SALL2: variants seen among roughly 807,000 people sequenced by gnomAD.
SALL2 encodes sal-like protein 2.
SALL2 carries 32 observed loss-of-function variants against 58.5 expected under a neutral mutation model. The observed-to-expected ratio is 0.55, with a 90% CI of 0.41 to 0.74. The LOEUF (loss-of-function observed/expected upper bound fraction) is 0.74, where lower values mean the gene tolerates loss of function less well. SALL2 is among the 30% of genes least tolerant of loss of function. SALL2 has a pLI of 0.00. For missense variants in SALL2, 1,201 were observed against 1,268.9 expected (o/e 0.95, Z 0.81); for synonymous variants, 516 against 513.6 (o/e 1.00, Z -0.06).
intron 1 of SALL2, among the ~76,000 whole-genome samples, chr14:21,534,485 C>T (rs1379170642): frequency 1.3e-5 from 2 of 151,968 alleles, no homozygotes; most frequent in South Asian, 2.1e-4. Flanking sequence ...ATTACCATGC[C>T]CCCAGGTGGA....
At position 21,524,547 on chromosome 14, in the gene SALL2, G is replaced by A; in HGVS notation, c.1175C>T (p.Ser392Phe). 1 of 1,614,214 alleles carries A rather than the reference G, an allele frequency of 6.2e-7. No individual in the cohort carries two copies. The highest frequency in any genetic ancestry group is 8.5e-7 in the Non-Finnish European group (1 of 1,180,026). Residue 392 changes from serine (S) to phenylalanine (F), a missense_variant, in exon 2 of 2, where the codon TCC becomes TTC. Ser to Phe is a radical substitution (Grantham distance 155). Around this residue, in one of 3 missense-constraint regions of SALL2, gnomAD observed 59 missense variants for 116.2 expected, o/e 0.51. Coordinates refer to ENST00000537235, the MANE Select transcript of SALL2 (RefSeq NM_001364564.1). The part of the protein sequence containing the change: ...SDSALQIHLR[S>F]HTGERPYKCN... ...CTTATAGGGCCTCTCACCCGTGTGG[G>A]AACGAAGGTGGATCTGCAGGGCACT...
chr14:21,526,012 C>T, intron 1 of SALL2, 49 bp downstream of exon 1: 2 of 1,024,174 alleles, frequency 2.0e-6, no homozygotes, highest in East Asian at 2.6e-5. Context: ...CGCCCCTGCG[C>T]ATCCCCCTCC....
chr14:21,535,248 G>C (rs571235758), intron 1 of SALL2, among the ~76,000 whole-genome samples: 1 of 151,930 alleles, frequency 6.6e-6, no homozygotes, highest in African/African-American at 2.4e-5. Flanking sequence ...GGGAGGCTGA[G>C]GCAGGAGAAT....
intron 1 of SALL2, among the ~76,000 whole-genome samples, chr14:21,533,717 G>A (rs1566519420): frequency 1.3e-5 from 2 of 151,916 alleles, no homozygotes; most frequent in Admixed American, 1.3e-4. Context: ...GAGCAAAAAC[G>A]GCTGGAAAAC....
chr14:21,521,845 A>G lies in SALL2; in HGVS notation c.*859T>C. ...GAGGTCTTGGCACACTGACCAGCCA[A>G]AACCTTTACCTTAATGTGACCATCA... On this transcript the variant is annotated 3_prime_UTR_variant, in exon 2 of 2. Transcript: ENST00000537235. The G allele has an allele frequency of 1.2e-6, 1 of 810,566 alleles. No individual in the cohort carries two copies. Among genetic ancestry groups the G allele is most frequent in the South Asian group, 2.0e-5 (1 of 50,944 alleles). The allele number at this position is 810,566 out of a possible 1,614,324, so 50.2% of individuals were successfully genotyped here.
chr14:21,523,482 G>A lies in SALL2; in HGVS notation c.2240C>T (p.Pro747Leu). 6.2e-7 allele frequency: 1 copy of A among 1,614,156 alleles called. No individual in the cohort carries two copies. The highest frequency in any genetic ancestry group is 8.5e-7 in the Non-Finnish European group (1 of 1,180,050). ...QSTVSGARSF[P>L]QQQSQQPSPE... ...TGATGGCTGCTGGGACTGCTGCTGG[G>A]GGAAACTCCGTGCCCCGGAGACTGT... Residue 747 changes from proline (P) to leucine (L), a missense_variant, in exon 2 of 2, where the codon CCC (proline) becomes CTC (leucine). This residue lies in a region of SALL2 where 675 missense variants were observed against 683.8 expected (regional missense o/e 0.99). Transcript: ENST00000537235. The surrounding 1 kb of genome is among the most constrained non-coding windows in gnomAD (Gnocchi z 4.4).
Position 21,523,116 on chromosome 14 carries a change from C to T in SALL2, c.2606G>A (p.Arg869Lys). ...GGKEEGGKPE[R>K]SSSPASALTP... ...GAGTGCTGATGCCGGACTTGAGCTT[C>T]TCTCCGGTTTGCCCCCCTCTTCCTT... Residue 869 changes from arginine (R) to lysine (K), a missense_variant, in exon 2 of 2, where the codon AGA becomes AAA. Physicochemically the swap from Arg to Lys is conservative, Grantham distance 26 (BLOSUM62 2). This residue lies in a region of SALL2 where 675 missense variants were observed against 683.8 expected (regional missense o/e 0.99). Coordinates refer to ENST00000537235, the MANE Select transcript of SALL2 (RefSeq NM_001364564.1). The surrounding 1 kb of genome is among the most constrained non-coding windows in gnomAD (Gnocchi z 4.4). 6.2e-7 allele frequency: 1 copy of T among 1,614,216 alleles called. No individual in the cohort carries two copies. The highest frequency in any genetic ancestry group is 8.5e-7 in the Non-Finnish European group (1 of 1,180,034).
chr14:21,524,303 C>G lies in SALL2; in HGVS notation c.1419G>C (p.Lys473Asn). 6.2e-7 allele frequency: 1 copy of G among 1,613,958 alleles called. No homozygotes were observed. The highest frequency in any genetic ancestry group is 2.2e-5 in the East Asian group (1 of 44,886). Residue 473 changes from lysine (K) to asparagine (N), a missense_variant, in exon 2 of 2, where the codon AAG becomes AAC. Lys to Asn is a moderately conservative substitution (Grantham distance 94). Transcript: ENST00000537235. Reference sequence around the variant, plus strand: ...GTGCTGTTGTGGAGGCCACCAGAGGCTTGCGCTCAACCCCTCCACCTGGAG... The same window carrying G: ...GTGCTGTTGTGGAGGCCACCAGAGGGTTGCGCTCAACCCCTCCACCTGGAG... ...AATPGGGVER[K>N]PLVASTTALS...
In SALL2 at chr14:21,522,605, G is replaced by C. The variant is rs1440001913; in HGVS notation, c.*99C>G. 3 of 1,467,918 alleles carry C rather than the reference G, an allele frequency of 2.0e-6. No homozygotes were observed. The highest frequency in any genetic ancestry group is 2.7e-6 in the Non-Finnish European group (3 of 1,111,724). 90.9% of individuals were successfully genotyped at this position (1,467,918 alleles called of 1,614,324 possible). A position where few individuals can be genotyped will look rare whatever the true frequency, so the allele number is the denominator to read the frequency against. On this transcript the variant is annotated 3_prime_UTR_variant, in exon 2 of 2. Transcript: ENST00000537235. The stretch of plus-strand genomic sequence containing the variant: ...AGGGACATAACATGTTAAGAACTTA[G>C]AGAAAAAGACAAAATCAGGGCTCAT...
At chr14:21,529,777 C>A (rs969678482), upstream of SALL2, among the ~76,000 whole-genome samples, 2 of 152,066 alleles carry the variant, frequency 1.3e-5, no homozygotes, top group African/African-American at 4.8e-5. Flanking sequence ...GTGAGACCCC[C>A]ATCTCTGCAA....
In SALL2 at chr14:21,525,942, TG is replaced by T; in HGVS notation, c.67+118del. ...CACAAGCGAGTTCACGGAATAGGTG[TG>T]GGGACAGGGGCCTACGCAGAGAATC... is the stretch of plus-strand genomic sequence containing the variant. On this transcript the variant is annotated intron_variant, in intron 1 of 1. Coordinates refer to ENST00000537235, the MANE Select transcript of SALL2 (RefSeq NM_001364564.1). This position sits in a 1 kb window ranked among gnomAD's most constrained non-coding sequence, Gnocchi z 4.4. The T allele has an allele frequency of 9.7e-7, 1 of 1,026,398 alleles. No individual in the cohort carries two copies. The highest frequency in any genetic ancestry group is 1.5e-6 in the Non-Finnish European group (1 of 689,090). 63.6% of individuals were successfully genotyped at this position (1,026,398 alleles called of 1,614,324 possible). A position where few individuals can be genotyped will look rare whatever the true frequency, so the allele number is the denominator to read the frequency against.
At position 21,524,107 on chromosome 14, in the gene SALL2, C is replaced by T; in HGVS notation, c.1615G>A (p.Glu539Lys). Residue 539 changes from glutamate to lysine, a missense_variant, in exon 2 of 2, where the codon GAA (glutamate) becomes AAA (lysine). Glu to Lys is a moderately conservative substitution (Grantham distance 56). This residue lies in a region of SALL2 where 675 missense variants were observed against 683.8 expected (regional missense o/e 0.99). Transcript: ENST00000537235. ...TGCATGCGAGTTGCCGTGCTACTTTCTGCCACTCCACTGATGGCTGAGCCC... is the reference window on the plus strand; with the variant it reads ...TGCATGCGAGTTGCCGTGCTACTTTTTGCCACTCCACTGATGGCTGAGCCC... ...SEGSAISGVA[E>K]SSTATRMQLS... 1.9e-6 allele frequency: 3 copies of T among 1,613,872 alleles called. No homozygotes were observed. Among genetic ancestry groups the T allele is most frequent in the Non-Finnish European group, 1.7e-6 (2 of 1,179,840 alleles).
rs45442799 is a variant in SALL2, at chr14:21,523,988, C to T, written c.1734G>A (p.Glu578=). The change falls in exon 2 of 2, where the codon GAG becomes GAA. Residue 578 remains glutamate, a synonymous_variant. Coordinates refer to ENST00000537235, the MANE Select transcript of SALL2 (RefSeq NM_001364564.1). The surrounding 1 kb of genome is among the most constrained non-coding windows in gnomAD (Gnocchi z 4.4). ...TCTCAGAGGGTGAGGCCCCCAAGGG[C>T]TCTAGCACATAGGGGAAGGGGAAGC... ...TGSFPFPYVL[E]PLGASPSETS... The T allele has an allele frequency of 0.02, 32,025 of 1,614,206 alleles. 424 individuals carry two copies. The highest frequency in any genetic ancestry group is 0.024 in the Admixed American group (1,412 of 60,024).
In SALL2 at chr14:21,521,887, A is replaced by C; in HGVS notation, c.*817T>G. On this transcript the variant is annotated 3_prime_UTR_variant, in exon 2 of 2. Transcript: ENST00000537235. Reference sequence around the variant, plus strand: ...TGACCATCAGGGGATTTACTGGGAAAATTTTCCTATGCCCTTCCTTCATTT... The same window carrying C: ...TGACCATCAGGGGATTTACTGGGAACATTTTCCTATGCCCTTCCTTCATTT... 7.7e-7 allele frequency: 1 copy of C among 1,294,046 alleles called. No individual in the cohort carries two copies. Among genetic ancestry groups the C allele is most frequent in the Non-Finnish European group, 1.0e-6 (1 of 964,564 alleles). The allele number at this position is 1,294,046 out of a possible 1,614,324, so 80.2% of individuals were successfully genotyped here.
rs1892155220 is a variant in SALL2, at chr14:21,523,811, C to G, written c.1911G>C (p.Val637=). 3.1e-6 allele frequency: 5 copies of G among 1,614,098 alleles called. No individual in the cohort carries two copies. In the Admixed American group the frequency reaches 5.0e-5, roughly 16 times the overall value. Residue 637 remains valine, a synonymous_variant, in exon 2 of 2, where the codon GTG becomes GTC. Transcript: ENST00000537235. The surrounding 1 kb of genome is among the most constrained non-coding windows in gnomAD (Gnocchi z 4.4). The part of the protein sequence containing the change: ...GPNQCVICLR[V]LSCPRALRLH... Reference sequence around the variant, plus strand: ...GGCGTAGGGCCCGAGGACAGCTAAGCACTCGGAGACAGATGACACACTGGT... The same window carrying G: ...GGCGTAGGGCCCGAGGACAGCTAAGGACTCGGAGACAGATGACACACTGGT...
chr14:21,526,267 G>A lies in SALL2; in HGVS notation c.-140C>T, dbSNP rs1892307330. The stretch of plus-strand genomic sequence containing the variant: ...GAGATGGAGATCGGCAGCGGCGGGG[G>A]CAGGGAGCAGCGGCGGAGGGGGAGG... On this transcript the variant is annotated 5_prime_UTR_variant, in exon 1 of 2. Transcript: ENST00000537235. The A allele has an allele frequency of 3.5e-6, 5 of 1,443,614 alleles. No homozygotes were observed. The highest frequency in any genetic ancestry group is 2.9e-5 in the African/African-American group (2 of 69,934). The allele number at this position is 1,443,614 out of a possible 1,614,324, so 89.4% of individuals were successfully genotyped here.
chr14:21,527,593 C>T (rs1892355365), upstream of SALL2, among the ~76,000 whole-genome samples: 1 of 152,130 alleles, frequency 6.6e-6, no homozygotes, highest in Non-Finnish European at 1.5e-5. Context: ...GTTATACCAC[C>T]GTTTCCCTCT....
chr14:21,526,565 GCC>G, upstream of SALL2: 2 of 1,047,230 alleles, frequency 1.9e-6, no homozygotes, highest in Non-Finnish European at 2.3e-6. Flanking sequence ...AGATGCCTTT[GCC>G]CAGGCCTACC....
chr14:21,536,142 G>T (rs1952889285), intron 1 of SALL2, among the ~76,000 whole-genome samples: 1 of 152,188 alleles, frequency 6.6e-6, no homozygotes, highest in Admixed American at 6.5e-5. Flanking sequence ...GACACCTGTT[G>T]CTTCAAAAAC....
Sources: gnomAD v4.1 joint callset for allele counts (sites outside exome capture counted in the v4.1 genomes callset) on GRCh38, gnomAD v4.1.1 for gene constraint, gnomAD v4.1.1 regional missense constraint, Gnocchi (gnomAD v3.1) non-coding constraint, MANE v1.5 for transcripts, NCBI Gene and HGNC (gene_info 2026-07-23, HGNC 2026-07-21) for gene names.